PDE1C: variants seen among roughly 807,000 people sequenced by gnomAD.
PDE1C encodes the protein dual specificity calcium/calmodulin-dependent 3',5'-cyclic nucleotide phosphodiesterase 1C.
Under a neutral mutation model 93.1 loss-of-function variants are expected in PDE1C, and 62 were observed. The ratio of observed to expected loss-of-function variants is 0.67; its 90% CI spans 0.54 to 0.82. PDE1C has a LOEUF of 0.82. PDE1C is among the 40% of genes least tolerant of loss of function. The pLI, the probability that PDE1C is intolerant of heterozygous loss-of-function variation, is 0.00. For missense variants in PDE1C, 742 were observed against 884.6 expected (o/e 0.84, Z 2.04); for synonymous variants, 325 against 310.1 (o/e 1.05, Z -0.50).
At chr7:31,805,751 C>T (rs1264205153) in intron 16 of PDE1C, among the ~76,000 whole-genome samples, 1 of 151,744 alleles carries the variant, frequency 6.6e-6, no homozygotes, top group Non-Finnish European at 1.5e-5. Flanking sequence ...CCATCTTGGT[C>T]TTCTTGGATT....
intron 2 of PDE1C, among the ~76,000 whole-genome samples, chr7:31,998,881 C>T (rs1416628404): frequency 6.9e-6 from 1 of 145,604 alleles, no homozygotes; most frequent in Admixed American, 6.7e-5. Context: ...ATTACAGCTA[C>T]TCTCTATGCA....
At chr7:32,208,462 T>C (rs1043526042) in intron 2 of PDE1C, among the ~76,000 whole-genome samples, 2 of 150,956 alleles carry the variant, frequency 1.3e-5, no homozygotes, top group African/African-American at 2.4e-5. Flanking sequence ...TTGTAGTCAA[T>C]ACTAGAGAGG....
At chr7:32,150,368 G>A (rs553479821) in intron 3 of PDE1C, among the ~76,000 whole-genome samples, 1 of 152,296 alleles carries the variant, frequency 6.6e-6, no homozygotes, top group South Asian at 2.1e-4. Context: ...CCAAAGGCTG[G>A]CAGAATTTCC....
chr7:31,928,236 G>C (rs750492080), intron 2 of PDE1C, among the ~76,000 whole-genome samples: 1 of 151,944 alleles, frequency 6.6e-6, no homozygotes, highest in African/African-American at 2.4e-5. Flanking sequence ...GACAAGATTA[G>C]AGAAAAAAGA....
chr7:31,866,238 T>C (rs1795280875), intron 6 of PDE1C, among the ~76,000 whole-genome samples: 1 of 152,214 alleles, frequency 6.6e-6, no homozygotes, highest in African/African-American at 2.4e-5. Flanking sequence ...GCTAAGTTAA[T>C]ACTCCTGAGA....
At chr7:32,283,922 A>G (rs1404455818) in intron 1 of PDE1C, among the ~76,000 whole-genome samples, 1 of 152,180 alleles carries the variant, frequency 6.6e-6, no homozygotes, top group Non-Finnish European at 1.5e-5. Context: ...ACTGACTGCG[A>G]CCAGAGGACC....
In PDE1C at chr7:32,064,416, T is replaced by G. The variant is rs530107232; in HGVS notation, c.101+5877A>C. The stretch of plus-strand genomic sequence containing the variant: ...AGAACTCAGAAGACAACAGCTCCTC[T>G]TTCTCTACTCTAAATCTATGTTCTG... On this transcript the variant is annotated intron_variant, in intron 1 of 17. Coordinates refer to ENST00000396191, the MANE Select transcript of PDE1C (RefSeq NM_001191057.4). 4.1e-3 allele frequency among the ~76,000 whole-genome samples: 629 copies of G among 152,294 alleles called. 4 individuals are homozygous for G. The highest frequency in any genetic ancestry group is 0.015 in the African/African-American group (607 of 41,546).
intron 2 of PDE1C, among the ~76,000 whole-genome samples, chr7:31,903,209 A>C (rs991853889): frequency 1.3e-5 from 2 of 151,972 alleles, no homozygotes; most frequent in Admixed American, 6.6e-5. Context: ...TTTCTGAAAG[A>C]AAATTAAAAA....
chr7:31,774,940 G>A (rs1292403015), intron 17 of PDE1C, among the ~76,000 whole-genome samples: 1 of 151,844 alleles, frequency 6.6e-6, no homozygotes, highest in South Asian at 2.1e-4. Context: ...ATCTTTCCTT[G>A]CCCCAAACAG....
At chr7:31,756,513 C>T (rs10215399) in intron 17 of PDE1C, among the ~76,000 whole-genome samples, 41,147 of 151,822 alleles carry the variant, frequency 0.27, 5,719 homozygotes, top group East Asian at 0.32. Context: ...TGGGTTATCC[C>T]GGATGGGACC....
rs115686629 is a variant in PDE1C at position 32,095,445 on chromosome 7, A to G, written c.308+74340T>C. Among the ~76,000 whole-genome samples, 1,395 of 152,230 alleles carry G rather than the reference A, an allele frequency of 9.2e-3. 17 individuals are homozygous for G. Among genetic ancestry groups the G allele is most frequent in the African/African-American group, 0.032 (1,316 of 41,528 alleles). On this transcript the variant is annotated intron_variant, in intron 3 of 18. Transcript: ENST00000396193. ...GACAATGGCATTTGAGATGTGTCAC[A>G]CTTAGCAGCCTTCCTTGCTAAAACT...
the PDE1C span, among the ~76,000 whole-genome samples, chr7:31,727,776 T>G: frequency 6.6e-6 from 1 of 152,306 alleles, no homozygotes; most frequent in East Asian, 1.9e-4. Context: ...GCACGGTGGC[T>G]CATGCCTATA....
intron 2 of PDE1C, among the ~76,000 whole-genome samples, chr7:31,906,215 C>A (rs762752245): frequency 6.6e-6 from 1 of 152,170 alleles, no homozygotes; most frequent in Non-Finnish European, 1.5e-5. Context: ...GTCATGTCCT[C>A]ACAAACACCC....
chr7:31,930,650 C>A (rs1417358738), intron 2 of PDE1C, among the ~76,000 whole-genome samples: 1 of 151,780 alleles, frequency 6.6e-6, no homozygotes, highest in East Asian at 1.9e-4. Context: ...ACCATCCTGG[C>A]TAACACAGTG....
chr7:31,866,882 C>A (rs1428169151), intron 6 of PDE1C, among the ~76,000 whole-genome samples: 1 of 152,016 alleles, frequency 6.6e-6, no homozygotes, highest in Non-Finnish European at 1.5e-5. Flanking sequence ...GCCCCTAAAC[C>A]CTGGCAGACC....
At chr7:32,249,515 A>T (rs1809208044) in intron 1 of PDE1C, among the ~76,000 whole-genome samples, 1 of 152,172 alleles carries the variant, frequency 6.6e-6, no homozygotes, top group Admixed American at 6.5e-5. Flanking sequence ...TAACTCAGTA[A>T]AAAGGCTGTT....
Position 32,096,856 on chromosome 7 carries a change from T to TAGATAGATAGAC in PDE1C, c.308+72928_308+72929insGTCTATCTATCT, listed in dbSNP as rs1563309736. On this transcript the variant is annotated intron_variant, in intron 3 of 18. Transcript: ENST00000396193. ...ATAGATAGATAGATAGATAGATAGA[T>TAGATAGATAGAC]AGATAGACAGACAGATCAACAGTCA... Among the ~76,000 whole-genome samples the TAGATAGATAGAC allele has an allele frequency of 3.3e-5, 5 of 151,512 alleles. No homozygotes were observed. The East Asian group carries it at 9.7e-4, about 29-fold the overall frequency.
At chr7:32,117,149 G>T (rs530794272) in intron 3 of PDE1C, among the ~76,000 whole-genome samples, 7 of 152,240 alleles carry the variant, frequency 4.6e-5, no homozygotes, top group African/African-American at 1.7e-4. Context: ...TACCTATTTT[G>T]ATATGGTCAA....
At chr7:31,966,345 A>C (rs1307070114) in intron 2 of PDE1C, among the ~76,000 whole-genome samples, 11 of 152,192 alleles carry the variant, frequency 7.2e-5, no homozygotes. Context: ...ACCAACAAAG[A>C]TCAAAAGAGA....
Sources: allele counts gnomAD v4.1 joint callset (sites outside exome capture counted in the v4.1 genomes callset), GRCh38; gene constraint gnomAD v4.1.1; transcripts MANE v1.5; gene names NCBI Gene and HGNC (gene_info 2026-07-23, HGNC 2026-07-21).